TULP3: variants seen among roughly 807,000 people sequenced by gnomAD.
TULP3 encodes the protein TUB like protein 3, also known as tubby-related protein 3.
TULP3 carries 38 observed loss-of-function variants against 50.7 expected under a neutral mutation model. That is an observed-to-expected ratio of 0.75 (90% CI 0.58 to 0.98). The LOEUF is 0.98. TULP3 is among the 50% of genes least tolerant of loss of function. The pLI is 0.00. For missense variants in TULP3, 550 were observed against 568.0 expected, an observed-to-expected ratio of 0.97 and a Z score of 0.32; for synonymous variants, 183 against 196.6, an observed-to-expected ratio of 0.93 and a Z score of 0.58.
chr12:2,940,747 G>A lies in TULP3; in HGVS notation c.*1303G>A, dbSNP rs959743657. The A allele has an allele frequency of 1.3e-6, 2 of 1,539,746 alleles. No individual in the cohort carries two copies. The highest frequency in any genetic ancestry group is 1.4e-5 in the African/African-American group (1 of 72,920). ...TGTGAAGGAGGGCCAACTGGCAGCT[G>A]CGGGACCCTTGGCTTGTCCCCCACC... On this transcript the variant is annotated 3_prime_UTR_variant, in exon 11 of 11. Coordinates refer to ENST00000448120, the MANE Select transcript of TULP3 (RefSeq NM_003324.5).
intron 2 of TULP3, among the ~76,000 whole-genome samples, chr12:2,910,477 AAATG>A (rs2098184836): frequency 6.6e-6 from 1 of 152,222 alleles, no homozygotes; most frequent in Non-Finnish European, 1.5e-5. Context: ...AGGAAGGACT[AAATG>A]AACGGTTTTG....
chr12:2,928,876 C>T (rs757673685), intron 4 of TULP3, among the ~76,000 whole-genome samples: 3 of 152,050 alleles, frequency 2.0e-5, no homozygotes, highest in South Asian at 2.1e-4. Flanking sequence ...ACCCAGGAGA[C>T]GGAGGTTGCA....
At chr12:2,919,410 G>A (rs376408832) in intron 2 of TULP3, among the ~76,000 whole-genome samples, 93 of 152,176 alleles carry the variant, frequency 6.1e-4, no homozygotes, top group African/African-American at 2.2e-3. Context: ...CCCTCTATAT[G>A]CAAGCTATTG....
intron 1 of TULP3, among the ~76,000 whole-genome samples, chr12:2,903,291 G>A (rs533230569): frequency 9.4e-4 from 143 of 151,848 alleles, no homozygotes; most frequent in Middle Eastern, 3.4e-3. Flanking sequence ...GGCCGGGCAC[G>A]GTGGCTCATG....
chr12:2,914,487 G>A (rs2098187491), intron 2 of TULP3, among the ~76,000 whole-genome samples: 1 of 152,166 alleles, frequency 6.6e-6, no homozygotes, highest in South Asian at 2.1e-4. Flanking sequence ...TATTTCTTCT[G>A]TCTAACTGTA....
Position 2,937,694 on chromosome 12 carries a change from C to T in TULP3, c.988C>T (p.Leu330=), listed in dbSNP as rs777205073. The T allele has an allele frequency of 1.2e-6, 2 of 1,612,886 alleles. No individual in the cohort carries two copies. The highest frequency in any genetic ancestry group is 1.3e-5 in the African/African-American group (1 of 74,800). The change falls in exon 9 of 11, where the codon CTG becomes TTG. Residue 330 remains leucine (L), a synonymous_variant. Transcript: ENST00000448120. ...GTCTGTGATCATTCCTGGAATGACA[C>T]TGAATCATAAGCAGATCCCCTATCA... ...KMSVIIPGMT[L]NHKQIPYQPQ... is the part of the protein sequence containing the mutation.
intron 10 of TULP3, among the ~76,000 whole-genome samples, chr12:2,938,940 A>G (rs2098203098): frequency 6.6e-6 from 1 of 152,064 alleles, no homozygotes; most frequent in Non-Finnish European, 1.5e-5. Flanking sequence ...TAACTGGCCT[A>G]TTTGGAGGAT....
chr12:2,935,858 C>CT (rs1481093006), intron 8 of TULP3, among the ~76,000 whole-genome samples: 2 of 151,976 alleles, frequency 1.3e-5, no homozygotes, highest in African/African-American at 4.8e-5. Flanking sequence ...GTCCCAGCTA[C>CT]TGGGGGCACT....
chr12:2,934,468 G>GTT lies in TULP3; in HGVS notation c.833_834dup (p.Thr279LeufsTer11). On this transcript the variant is annotated frameshift_variant, in exon 8 of 11. Coordinates refer to ENST00000448120, the MANE Select transcript of TULP3 (RefSeq NM_003324.5). LOFTEE classifies it high-confidence loss of function. ...CCAGATCCAACCTCATGGGGACCAA[G>GTT]TTTACAGTTTATGACCGTGGCATCT... 6.3e-7 allele frequency: 1 copy of GTT among 1,597,124 alleles called. No homozygotes were observed. Among genetic ancestry groups the GTT allele is most frequent in the East Asian group, 2.3e-5 (1 of 43,424 alleles).
At chr12:2,937,902 T>C (rs1326615351) in intron 9 of TULP3, among the ~76,000 whole-genome samples, 173 bp downstream of exon 9, 1 of 152,160 alleles carries the variant, frequency 6.6e-6, no homozygotes, top group Non-Finnish European at 1.5e-5. Context: ...ATAAGAGCAG[T>C]TGCAGAGTCA....
At chr12:2,911,537 TTTA>T (rs2098185577) in intron 2 of TULP3, among the ~76,000 whole-genome samples, 7 of 146,490 alleles carry the variant, frequency 4.8e-5, no homozygotes, top group African/African-American at 1.8e-4. Context: ...TTTATTTTTT[TTTA>T]ATTTTTACTA....
At chr12:2,903,839 A>G (rs1047386515) in intron 1 of TULP3, among the ~76,000 whole-genome samples, 47 of 152,048 alleles carry the variant, frequency 3.1e-4, no homozygotes, top group African/African-American at 1.1e-3. Context: ...GAGTGCAGTC[A>G]GTGGCACGAT....
At chr12:2,935,024 G>C (rs926697838) in intron 8 of TULP3, among the ~76,000 whole-genome samples, 5 of 151,730 alleles carry the variant, frequency 3.3e-5, no homozygotes, top group African/African-American at 1.2e-4. Flanking sequence ...TCACACCCGG[G>C]AAAGGCTTGA....
Position 2,922,418 on chromosome 12 carries a change from G to A in TULP3, c.394+16G>A, listed in dbSNP as rs1032346910. Reference sequence around the variant, plus strand: ...CAAAAGCATGGTGAGGACTGGTAATGATTTTAAGGCAATTTGTCTCCTTAC... The same window carrying A: ...CAAAAGCATGGTGAGGACTGGTAATAATTTTAAGGCAATTTGTCTCCTTAC... On this transcript the variant is annotated intron_variant, in intron 4 of 10. Transcript: ENST00000448120. 1 of 1,600,464 alleles carries A rather than the reference G, an allele frequency of 6.2e-7. No individual in the cohort carries two copies. The highest frequency in any genetic ancestry group is 1.1e-5 in the South Asian group (1 of 87,984).
intron 1 of TULP3, among the ~76,000 whole-genome samples, chr12:2,898,286 C>A (rs555042243): frequency 2.6e-5 from 4 of 152,084 alleles, no homozygotes; most frequent in Admixed American, 1.3e-4. Flanking sequence ...TGGGGACTTA[C>A]AATTAGTTTG....
intron 1 of TULP3, among the ~76,000 whole-genome samples, chr12:2,901,891 G>C (rs890558115): frequency 5.9e-5 from 9 of 152,242 alleles, no homozygotes; most frequent in African/African-American, 2.2e-4. Flanking sequence ...TTAAGTAAAA[G>C]TCATAATCAT....
At chr12:2,894,691 C>T (rs1050646135) in intron 1 of TULP3, among the ~76,000 whole-genome samples, 13 of 152,026 alleles carry the variant, frequency 8.6e-5, no homozygotes, top group Non-Finnish European at 7.4e-5. Flanking sequence ...GTCAGGAGTT[C>T]AAGACCAGCC....
intron 3 of TULP3, among the ~76,000 whole-genome samples, chr12:2,921,309 T>G (rs2098191592): frequency 6.6e-6 from 1 of 151,302 alleles, no homozygotes; most frequent in African/African-American, 2.4e-5. Context: ...CCGGCTAATT[T>G]TTTTATACTT....
chr12:2,911,664 C>CTTTTTTTTTTTTTTTTTTTTTTTTTTT (rs56027951), intron 2 of TULP3, among the ~76,000 whole-genome samples: 1 of 38,172 alleles, frequency 2.6e-5, no homozygotes, highest in Non-Finnish European at 5.1e-5. Flanking sequence ...TGCGCCCAGC[C>CTTTTTTTTTTTTTTTTTTTTTTTTTTT]TTTTTTTTTT....
Sources: allele counts gnomAD v4.1 joint callset (sites outside exome capture counted in the v4.1 genomes callset), GRCh38; gene constraint gnomAD v4.1.1; transcripts MANE v1.5; gene names NCBI Gene and HGNC (gene_info 2026-07-23, HGNC 2026-07-21).